Variants in FBXO4 observed in about 807,000 individuals in gnomAD.
The protein encoded by FBXO4 is F-box protein 4, also known as F-box only protein 4.
Under a neutral mutation model 43.7 loss-of-function variants are expected in FBXO4, and 36 were observed. The observed-to-expected ratio is 0.82, with a 90% CI of 0.63 to 1.09. FBXO4 has a LOEUF of 1.09. Ranked by LOEUF, FBXO4 falls within the 50% of genes least tolerant of loss-of-function variation. The pLI, the probability that FBXO4 is intolerant of heterozygous loss-of-function variation, is 0.00. For synonymous variants in FBXO4, 180 were observed against 165.6 expected (o/e 1.09, Z -0.67); for missense variants, 435 against 474.1 (o/e 0.92, Z 0.77).
chr5:41,997,068 T>C, the FBXO4 span, among the ~76,000 whole-genome samples: 42 of 152,330 alleles, frequency 2.8e-4, 1 homozygote, highest in East Asian at 7.9e-3. Context: ...AGTAAATGTG[T>C]ACTGCTGGCC....
chr5:41,975,692 T>TA, the FBXO4 span, among the ~76,000 whole-genome samples: 1 of 152,214 alleles, frequency 6.6e-6, no homozygotes, highest in African/African-American at 2.4e-5. Flanking sequence ...ATTCATAACA[T>TA]AAAATTTAAC....
the FBXO4 span, among the ~76,000 whole-genome samples, chr5:41,961,694 C>T: frequency 2.0e-5 from 3 of 152,118 alleles, no homozygotes; most frequent in Admixed American, 2.0e-4. Context: ...GGCTCTGGGT[C>T]CCAGAGTGCT....
chr5:42,017,109 T>G, the FBXO4 span, among the ~76,000 whole-genome samples: 455 of 152,122 alleles, frequency 3.0e-3, 2 homozygotes, highest in Non-Finnish European at 5.1e-3. Flanking sequence ...ATATAACATA[T>G]GTATCTGAGG....
At chr5:41,930,557 A>G (rs894406900) in intron 3 of FBXO4, among the ~76,000 whole-genome samples, 3 of 152,208 alleles carry the variant, frequency 2.0e-5, no homozygotes, top group African/African-American at 7.2e-5. Context: ...AAGGCTCCAT[A>G]TTGATGATGT....
chr5:41,938,723 G>A (rs1312975107), intron 5 of FBXO4, among the ~76,000 whole-genome samples: 5 of 152,098 alleles, frequency 3.3e-5, no homozygotes, highest in Admixed American at 2.6e-4. Context: ...ATTTGCTTCC[G>A]AGATCATTCA....
At chr5:41,930,507 T>C (rs1561168584) in intron 3 of FBXO4, among the ~76,000 whole-genome samples, 1 of 152,162 alleles carries the variant, frequency 6.6e-6, no homozygotes, top group African/African-American at 2.4e-5. Flanking sequence ...AACTAGAATA[T>C]GATGTATTTA....
chr5:42,037,635 T>A, the FBXO4 span, among the ~76,000 whole-genome samples: 10 of 152,180 alleles, frequency 6.6e-5, no homozygotes, highest in South Asian at 2.1e-3. Flanking sequence ...ACCTGAACAT[T>A]TTAAAATGTT....
chr5:41,934,008 T>G lies in FBXO4; in HGVS notation c.709T>G (p.Tyr237Asp). ...ACATAAATTCAACATTCTAATCTTA[T>G]ATTCAACTACCAGGTAAGGCTACAT... ...NQHKFNILIL[Y>D]STTRKERDRA... Residue 237 changes from tyrosine to aspartate, a missense_variant, in exon 4 of 7, where the codon TAT becomes GAT. Transcript: ENST00000281623. 1 of 1,613,884 alleles carries G rather than the reference T, an allele frequency of 6.2e-7. No individual in the cohort carries two copies. Among genetic ancestry groups the G allele is most frequent in the Admixed American group, 1.7e-5 (1 of 60,020 alleles).
chr5:41,930,689 A>G (rs867219148), intron 3 of FBXO4, among the ~76,000 whole-genome samples: 1 of 132,498 alleles, frequency 7.5e-6, no homozygotes, highest in Non-Finnish European at 1.5e-5. Context: ...TTTTTTTGAG[A>G]TGGAGTCTCA....
intron 3 of FBXO4, chr5:41,930,170 T>C: frequency 2.4e-6 from 1 of 423,864 alleles, no homozygotes; most frequent in Non-Finnish European, 4.2e-6. Context: ...GTTGTCAAGA[T>C]GTTGCATTTG....
the FBXO4 span, among the ~76,000 whole-genome samples, chr5:41,975,952 C>A: frequency 2.6e-5 from 4 of 152,106 alleles, no homozygotes; most frequent in African/African-American, 9.6e-5. Flanking sequence ...AGCTTACAAT[C>A]GTGGTGGAAG....
the FBXO4 span, among the ~76,000 whole-genome samples, chr5:42,007,106 A>G: frequency 1.3e-5 from 2 of 151,184 alleles, no homozygotes; most frequent in African/African-American, 4.9e-5. Flanking sequence ...ATGTGATCTT[A>G]TTTGGAAATT....
chr5:42,037,529 C>G, the FBXO4 span, among the ~76,000 whole-genome samples: 1 of 152,110 alleles, frequency 6.6e-6, no homozygotes, highest in Non-Finnish European at 1.5e-5. Context: ...AGCTTGTTCT[C>G]TGACCCACGT....
the FBXO4 span, among the ~76,000 whole-genome samples, chr5:41,961,813 G>T: frequency 1.3e-5 from 2 of 152,162 alleles, no homozygotes; most frequent in Admixed American, 6.5e-5. Flanking sequence ...TGGCGTTCCT[G>T]GACAAGAACA....
chr5:42,036,508 A>G, the FBXO4 span, among the ~76,000 whole-genome samples: 1 of 152,164 alleles, frequency 6.6e-6, no homozygotes, highest in African/African-American at 2.4e-5. Flanking sequence ...TCTTAGATAA[A>G]TGTATTTACC....
At chr5:42,014,338 T>C in the FBXO4 span, among the ~76,000 whole-genome samples, 7 of 152,196 alleles carry the variant, frequency 4.6e-5, no homozygotes, top group African/African-American at 1.7e-4. Context: ...ATTTATACTA[T>C]AAGAACAAAT....
chr5:41,992,027 G>A, the FBXO4 span, among the ~76,000 whole-genome samples: 3 of 152,164 alleles, frequency 2.0e-5, no homozygotes, highest in African/African-American at 4.8e-5. Flanking sequence ...GCGGTGAGCC[G>A]AGATGGCGCC....
chr5:42,014,581 T>A, the FBXO4 span, among the ~76,000 whole-genome samples: 1 of 152,182 alleles, frequency 6.6e-6, no homozygotes, highest in African/African-American at 2.4e-5. Context: ...TTACTTACCC[T>A]CTTATTATCT....
At chr5:41,958,849 C>A in the FBXO4 span, among the ~76,000 whole-genome samples, 1 of 152,038 alleles carries the variant, frequency 6.6e-6, no homozygotes, top group African/African-American at 2.4e-5. Context: ...AATAATGCTG[C>A]GACAAATAAG....
Sources: allele counts gnomAD v4.1 joint callset (sites outside exome capture counted in the v4.1 genomes callset), GRCh38; gene constraint gnomAD v4.1.1; transcripts MANE v1.5; gene names NCBI Gene and HGNC (gene_info 2026-07-23, HGNC 2026-07-21).